Variants in PTPRT observed in about 807,000 individuals in gnomAD.
PTPRT encodes protein tyrosine phosphatase receptor type T, also known as receptor-type tyrosine-protein phosphatase T.
Under a neutral mutation model 176.8 loss-of-function variants are expected in PTPRT, and 56 were observed. The ratio of observed to expected loss-of-function variants is 0.32; its 90% CI spans 0.26 to 0.40. The LOEUF (loss-of-function observed/expected upper bound fraction) is 0.40, where lower values mean the gene tolerates loss of function less well. PTPRT is among the 10% of genes least tolerant of loss of function. The pLI is 1.00. For missense variants in PTPRT, 1,540 were observed against 1,908.2 expected, an observed-to-expected ratio of 0.81 and a Z score of 3.60; for synonymous variants, 783 against 739.0, an observed-to-expected ratio of 1.06 and a Z score of -0.96.
chr20:42,659,877 G>T (rs2075192989), intron 7 of PTPRT, among the ~76,000 whole-genome samples: 1 of 152,146 alleles, frequency 6.6e-6, no homozygotes, highest in Non-Finnish European at 1.5e-5. Context: ...CATGCTGTCT[G>T]GTTAATCCAA....
Position 42,658,505 on chromosome 20 carries a change from G to A in PTPRT, c.1153+19361C>T, listed in dbSNP as rs144397340. Among the ~76,000 whole-genome samples, 35 of 152,250 alleles carry A rather than the reference G, an allele frequency of 2.3e-4. No individual in the cohort carries two copies. In the East Asian group the frequency reaches 4.6e-3, roughly 20 times the overall value. On this transcript the variant is annotated intron_variant, in intron 7 of 30. Transcript: ENST00000373187. Reference sequence around the variant, plus strand: ...TAAATAAACCATGAAAAGCACACTCGTTTACAGTAGGGGAGCTGAAACAAG... The same window carrying A: ...TAAATAAACCATGAAAAGCACACTCATTTACAGTAGGGGAGCTGAAACAAG...
At chr20:42,398,860 C>G (rs183507660) in intron 9 of PTPRT, among the ~76,000 whole-genome samples, 4 of 152,166 alleles carry the variant, frequency 2.6e-5, no homozygotes, top group Admixed American at 6.5e-5. Flanking sequence ...TAGAACTGCT[C>G]GATGTCATTC....
intron 18 of PTPRT, among the ~76,000 whole-genome samples, chr20:42,135,233 C>G (rs1221744694): frequency 2.0e-5 from 3 of 152,210 alleles, no homozygotes; most frequent in Admixed American, 6.5e-5. Context: ...CTCTGTTTAC[C>G]CAGCTATAAC....
Position 42,297,006 on chromosome 20 carries a change from AG to A in PTPRT, c.2140-14482del, listed in dbSNP as rs567641852. 1.1e-4 allele frequency among the ~76,000 whole-genome samples: 16 copies of A among 152,274 alleles called. No individual in the cohort carries two copies. In the South Asian group the frequency reaches 1.9e-3, roughly 18 times the overall value. On this transcript the variant is annotated intron_variant, in intron 12 of 30. Coordinates refer to ENST00000373187, the MANE Select transcript of PTPRT (RefSeq NM_007050.6). ...TACAAATTTAAAAAATTTCAAAAAA[AG>A]GTGAACAAAATAATTTTCTTCAGAA... is the stretch of plus-strand genomic sequence containing the variant.
rs1361195199 is a variant in PTPRT at position 42,188,628 on chromosome 20, GAA to G, written c.2491+10610_2491+10611del. Among the ~76,000 whole-genome samples, 6 of 152,192 alleles carry G rather than the reference GAA, an allele frequency of 3.9e-5. No homozygotes were observed. In the South Asian group the frequency reaches 1.0e-3, roughly 26 times the overall value. On this transcript the variant is annotated intron_variant, in intron 16 of 30. Coordinates refer to ENST00000373187, the MANE Select transcript of PTPRT (RefSeq NM_007050.6). Reference sequence around the variant, plus strand: ...GTCTGTAGCTTTGAGCAGAGGGGGGGAAATTGGTCTCTAAGCTCAGTTTATTC... The same window carrying G: ...GTCTGTAGCTTTGAGCAGAGGGGGGGATTGGTCTCTAAGCTCAGTTTATTC...
At chr20:42,306,225 G>A (rs1286882550) in intron 12 of PTPRT, among the ~76,000 whole-genome samples, 1 of 152,186 alleles carries the variant, frequency 6.6e-6, no homozygotes, top group Non-Finnish European at 1.5e-5. Flanking sequence ...ATCTGTACAA[G>A]GTGACACTTG....
intron 7 of PTPRT, among the ~76,000 whole-genome samples, chr20:42,494,790 T>G (rs1392404747): frequency 6.6e-6 from 1 of 152,160 alleles, no homozygotes; most frequent in East Asian, 1.9e-4. Flanking sequence ...TTTGGACAGA[T>G]GAATGGATGG....
chr20:42,058,669 A>T, the PTPRT span, among the ~76,000 whole-genome samples: 2 of 152,210 alleles, frequency 1.3e-5, no homozygotes, highest in Non-Finnish European at 2.9e-5. Context: ...TCCCTGAATC[A>T]GTGAAGGAGG....
rs35901100 is a variant in PTPRT, at chr20:42,345,366, T to TACACACAC, written c.1865+5254_1865+5261dup. On this transcript the variant is annotated intron_variant, in intron 11 of 30. Coordinates refer to ENST00000373187, the MANE Select transcript of PTPRT (RefSeq NM_007050.6). Reference sequence around the variant, plus strand: ...AATAAGAGGTAGCTGAAGGCATATATACACACACACACACACACACACACA... The same window carrying TACACACAC: ...AATAAGAGGTAGCTGAAGGCATATATACACACACACACACACACACACACACACACACA... Among the ~76,000 whole-genome samples the TACACACAC allele has an allele frequency of 1.5e-3, 200 of 134,098 alleles. 3 individuals are homozygous for TACACACAC. Among genetic ancestry groups the TACACACAC allele is most frequent in the Middle Eastern group, 3.7e-3 (1 of 270 alleles). 88.0% of individuals were successfully genotyped at this position (134,098 alleles called of 152,430 possible). A position where few individuals can be genotyped will look rare whatever the true frequency, so the allele number is the denominator to read the frequency against.
chr20:42,861,638 T>A (rs1403914009), intron 2 of PTPRT, among the ~76,000 whole-genome samples: 2 of 151,440 alleles, frequency 1.3e-5, no homozygotes, highest in East Asian at 3.9e-4. Flanking sequence ...TGTAGATGAA[T>A]AAAATGCCAA....
chr20:42,308,673 G>A (rs1299131172), intron 12 of PTPRT, among the ~76,000 whole-genome samples: 1 of 152,146 alleles, frequency 6.6e-6, no homozygotes, highest in African/African-American at 2.4e-5. Context: ...TCCATCTTGA[G>A]ATGTTAAGTA....
At chr20:43,147,350 G>C (rs148797061) in intron 1 of PTPRT, among the ~76,000 whole-genome samples, 11 of 152,268 alleles carry the variant, frequency 7.2e-5, no homozygotes, top group Non-Finnish European at 1.3e-4. Flanking sequence ...ATGGACACGA[G>C]GATAATCCTT....
intron 12 of PTPRT, among the ~76,000 whole-genome samples, chr20:42,288,920 T>C (rs1188698296): frequency 1.3e-5 from 2 of 151,910 alleles, no homozygotes; most frequent in Admixed American, 1.3e-4. Context: ...GTTATGTTTT[T>C]AGTTCTTTAA....
At chr20:42,966,251 T>C (rs1223566078) in intron 1 of PTPRT, 1 of 152,234 alleles carries the variant, frequency 6.6e-6, no homozygotes, top group Non-Finnish European at 1.5e-5. Context: ...CTAACATGCT[T>C]GCCAACACTG....
chr20:42,887,247 G>T lies in PTPRT; in HGVS notation c.89-1315C>A, dbSNP rs144799377. 6.8e-3 allele frequency among the ~76,000 whole-genome samples: 1,042 copies of T among 152,276 alleles called. 1 individual carries two copies. Among genetic ancestry groups the T allele is most frequent in the Middle Eastern group, 0.017 (5 of 294 alleles). On this transcript the variant is annotated intron_variant, in intron 1 of 30. Transcript: ENST00000373187. ...GGGAGGTGATTAGGACATGAAGGCA[G>T]ACTCCACATGATTGGGACTGGGATT... is the stretch of plus-strand genomic sequence containing the variant.
intron 1 of PTPRT, among the ~76,000 whole-genome samples, chr20:43,188,762 G>GC (rs2015462804): frequency 3.1e-5 from 4 of 129,260 alleles, no homozygotes; most frequent in South Asian, 3.0e-4. Flanking sequence ...GGGGGGGGGG[G>GC]CTCGGGGGTG....
chr20:43,079,929 A>C, intron 1 of PTPRT, among the ~76,000 whole-genome samples: 1 of 152,322 alleles, frequency 6.6e-6, no homozygotes, highest in East Asian at 1.9e-4. Flanking sequence ...TCTAACCTTA[A>C]AAGAAAATGC....
intron 7 of PTPRT, among the ~76,000 whole-genome samples, chr20:42,527,239 A>G (rs978785327): frequency 6.6e-6 from 1 of 152,060 alleles, no homozygotes. Context: ...CTGGGATTAC[A>G]GGTGTGAGCC....
chr20:42,151,022 A>C (rs1208180632), intron 17 of PTPRT, among the ~76,000 whole-genome samples: 1 of 152,132 alleles, frequency 6.6e-6, no homozygotes, highest in Non-Finnish European at 1.5e-5. Flanking sequence ...GGTGCCCAGA[A>C]TCTTCCATCT....
Sources: allele counts gnomAD v4.1 joint callset (sites outside exome capture counted in the v4.1 genomes callset), GRCh38; gene constraint gnomAD v4.1.1; transcripts MANE v1.5; gene names NCBI Gene and HGNC (gene_info 2026-07-23, HGNC 2026-07-21).